The following PDS5B variants were observed in gnomAD, a reference collection of about 807,000 sequenced individuals.
The protein encoded by PDS5B is PDS5 cohesin associated factor B, also known as sister chromatid cohesion protein PDS5 homolog B.
Under a neutral mutation model 184.1 loss-of-function variants are expected in PDS5B, and 51 were observed. The observed-to-expected ratio is 0.28, with a 90% CI of 0.22 to 0.35. The LOEUF (loss-of-function observed/expected upper bound fraction) is 0.35. PDS5B is among the 10% of genes least tolerant of loss of function. The pLI is 1.00. For missense variants in PDS5B, 1,180 were observed against 1,723.3 expected (o/e 0.68, Z 5.58); for synonymous variants, 566 against 569.2 (o/e 0.99, Z 0.08).
chr13:32,656,050 C>G (rs2140685531), intron 3 of PDS5B, among the ~76,000 whole-genome samples: 1 of 152,228 alleles, frequency 6.6e-6, no homozygotes, highest in East Asian at 1.9e-4. Context: ...ATATGACTAG[C>G]TAGTTATCCC....
At chr13:32,680,182 G>C (rs867742264) in intron 10 of PDS5B, among the ~76,000 whole-genome samples, 4 of 152,038 alleles carry the variant, frequency 2.6e-5, no homozygotes, top group African/African-American at 9.7e-5. Context: ...GATTAAGAGT[G>C]GGGGGGCTAA....
At chr13:32,656,001 T>A (rs1299873474) in intron 3 of PDS5B, among the ~76,000 whole-genome samples, 1 of 152,174 alleles carries the variant, frequency 6.6e-6, no homozygotes, top group Non-Finnish European at 1.5e-5. Context: ...TTGATTTTTG[T>A]ATGTGGTTTG....
chr13:32,705,124 G>A (rs1322733431), intron 17 of PDS5B, among the ~76,000 whole-genome samples: 1 of 151,860 alleles, frequency 6.6e-6, no homozygotes, highest in African/African-American at 2.4e-5. Context: ...TTCTTGTTGT[G>A]GCCTTTTTTT....
chr13:32,731,721 A>C (rs1387812398), intron 19 of PDS5B, among the ~76,000 whole-genome samples: 2 of 152,092 alleles, frequency 1.3e-5, no homozygotes, highest in Non-Finnish European at 2.9e-5. Context: ...TGGAAGAGGC[A>C]GAGACTTGAG....
chr13:32,618,399 A>G (rs1251882248), intron 1 of PDS5B, among the ~76,000 whole-genome samples: 4 of 152,128 alleles, frequency 2.6e-5, no homozygotes, highest in Admixed American at 2.6e-4. Flanking sequence ...TAAGGTGCCC[A>G]CTGTTCTGAG....
rs2058152862 is a variant in PDS5B at position 32,612,090 on chromosome 13, CTG to C, written c.-20+25500_-20+25501del. Among the ~76,000 whole-genome samples, 3 of 151,748 alleles carry C rather than the reference CTG, an allele frequency of 2.0e-5. No homozygotes were observed. The South Asian group carries it at 6.2e-4, about 32-fold the overall frequency. On this transcript the variant is annotated intron_variant, in intron 1 of 34. Coordinates refer to ENST00000315596, the MANE Select transcript of PDS5B (RefSeq NM_015032.4). ...TTCACGTAGGCCATCCCTCAGGAGA[CTG>C]TGCATCTTTTTAAAGATTTAACTGG...
At chr13:32,625,838 CTTTTT>C (rs67536326) in intron 1 of PDS5B, among the ~76,000 whole-genome samples, 1 of 131,382 alleles carries the variant, frequency 7.6e-6, no homozygotes, top group Non-Finnish European at 1.6e-5. Flanking sequence ...GACCAGTATT[CTTTTT>C]TTTTTTTTTT....
At chr13:32,624,176 T>A (rs1305284237) in intron 1 of PDS5B, among the ~76,000 whole-genome samples, 1 of 152,204 alleles carries the variant, frequency 6.6e-6, no homozygotes, top group Non-Finnish European at 1.5e-5. Context: ...TGCCTAGCAT[T>A]TTATTCTCCC....
intron 19 of PDS5B, among the ~76,000 whole-genome samples, chr13:32,731,447 T>C (rs952186909): frequency 2.0e-5 from 3 of 152,182 alleles, no homozygotes; most frequent in African/African-American, 7.2e-5. Context: ...GGAGATCTTC[T>C]GTTTAAAATT....
chr13:32,666,297 TCG>T (rs1950794658), intron 6 of PDS5B, among the ~76,000 whole-genome samples: 1 of 152,178 alleles, frequency 6.6e-6, no homozygotes, highest in African/African-American at 2.4e-5. Flanking sequence ...AGGCTTGGTC[TCG>T]CACTCCTGGC....
intron 1 of PDS5B, among the ~76,000 whole-genome samples, chr13:32,603,386 G>A (rs145377885): frequency 0.012 from 1,897 of 152,222 alleles, 49 homozygotes; most frequent in African/African-American, 0.043. Flanking sequence ...TGTCAGGTTT[G>A]TCAAAGATCA....
intron 11 of PDS5B, among the ~76,000 whole-genome samples, chr13:32,685,622 T>C (rs190597851): frequency 4.6e-5 from 7 of 152,236 alleles, no homozygotes; most frequent in Admixed American, 4.6e-4. Context: ...GAGTTAGAGA[T>C]ACAAACTTTT....
In PDS5B at chr13:32,669,382, C is replaced by G. The variant is rs1185629513; in HGVS notation, c.705+1538C>G. Among the ~76,000 whole-genome samples, 4 of 150,838 alleles carry G rather than the reference C, an allele frequency of 2.7e-5. No individual in the cohort carries two copies. The South Asian group carries it at 6.3e-4, about 24-fold the overall frequency. ...AGAACGCTATACTGTATTGATATCT[C>G]TACTGTTATTGGGGAAAATCAATAT... is the stretch of plus-strand genomic sequence containing the variant. On this transcript the variant is annotated intron_variant, in intron 7 of 34. Transcript: ENST00000315596.
rs1304824546 is a variant in PDS5B, at chr13:32,775,872, TC to T, written c.*821del. The T allele has an allele frequency of 2.7e-5, 8 of 293,210 alleles. No individual in the cohort carries two copies. Among genetic ancestry groups the T allele is most frequent in the Non-Finnish European group, 4.7e-5 (7 of 148,996 alleles). 18.2% of individuals were successfully genotyped at this position (293,210 alleles called of 1,614,324 possible). A position where few individuals can be genotyped will look rare whatever the true frequency, so the allele number is the denominator to read the frequency against. On this transcript the variant is annotated 3_prime_UTR_variant, in exon 35 of 35. Transcript: ENST00000315596. ...TTATCATCCTTTCAGTTTTTATTAA[TC>T]TACTGTATCAATAAAATTCTGTAAT... is the stretch of plus-strand genomic sequence containing the variant.
intron 1 of PDS5B, among the ~76,000 whole-genome samples, chr13:32,630,076 C>T (rs534652801): frequency 2.0e-5 from 3 of 152,310 alleles, no homozygotes; most frequent in Middle Eastern, 3.4e-3. Flanking sequence ...TATTGTTCTT[C>T]ACATCCTTGA....
rs80326795 is a variant in PDS5B at position 32,685,202 on chromosome 13, G to T, written c.1203+1179G>T. 9.6e-3 allele frequency among the ~76,000 whole-genome samples: 1,462 copies of T among 152,308 alleles called. 27 individuals are homozygous for T. Among genetic ancestry groups the T allele is most frequent in the African/African-American group, 0.034 (1,402 of 41,570 alleles). ...CTGGTTGTGCGTGGAGGATAAATGG[G>T]CAAGAAGCACATGGTTTTCCCTTCA... On this transcript the variant is annotated intron_variant, in intron 11 of 34. Transcript: ENST00000315596.
At chr13:32,746,268 T>G (rs1019941288) in intron 24 of PDS5B, among the ~76,000 whole-genome samples, 168 bp downstream of exon 24, 1 of 152,210 alleles carries the variant, frequency 6.6e-6, no homozygotes, top group African/African-American at 2.4e-5. Flanking sequence ...TCATTTGAGT[T>G]TTGGGTTGCT....
chr13:32,694,853 T>C (rs941190293), intron 14 of PDS5B, among the ~76,000 whole-genome samples: 19 of 151,774 alleles, frequency 1.3e-4, no homozygotes, highest in Non-Finnish European at 2.8e-4. Context: ...GGGTTTTTTT[T>C]TTTTCATTGA....
chr13:32,612,242 A>G (rs2058155326), intron 1 of PDS5B, among the ~76,000 whole-genome samples: 1 of 151,768 alleles, frequency 6.6e-6, no homozygotes, highest in Admixed American at 6.6e-5. Context: ...ATTTTTTTGT[A>G]TTTTTAGTAG....
Sources: allele counts gnomAD v4.1 joint callset (sites outside exome capture counted in the v4.1 genomes callset), GRCh38; gene constraint gnomAD v4.1.1; transcripts MANE v1.5; gene names NCBI Gene and HGNC (gene_info 2026-07-23, HGNC 2026-07-21).